The following PPP4R3B variants were observed in gnomAD, a reference collection of about 807,000 sequenced individuals.
PPP4R3B encodes the protein protein phosphatase 4 regulatory subunit 3B.
Under a neutral mutation model 95.4 loss-of-function variants are expected in PPP4R3B, and 52 were observed. The observed-to-expected ratio is 0.54, with a 90% confidence interval of 0.44 to 0.69. The LOEUF is 0.69. Ranked by LOEUF, PPP4R3B falls within the 30% of genes least tolerant of loss-of-function variation. The pLI is 0.00. For synonymous variants in PPP4R3B, 407 were observed against 343.9 expected (o/e 1.18, Z -2.03); for missense variants, 1,003 against 1,005.9 (o/e 1.00, Z 0.04).
intron 12 of PPP4R3B, among the ~76,000 whole-genome samples, chr2:55,572,073 G>C (rs948798351): frequency 6.6e-6 from 1 of 152,142 alleles, no homozygotes; most frequent in African/African-American, 2.4e-5. Context: ...GATACTGTTG[G>C]CTATGTATCT....
At chr2:55,604,770 AG>A (rs1442991355) in intron 2 of PPP4R3B, among the ~76,000 whole-genome samples, 1 of 151,540 alleles carries the variant, frequency 6.6e-6, no homozygotes, top group Non-Finnish European at 1.5e-5. Flanking sequence ...TTAGAAACCA[AG>A]GTTTGGATTT....
rs1423393212 is a variant in PPP4R3B at position 55,599,006 on chromosome 2, G to C, written c.331C>G (p.Gln111Glu). ...TCTTCAGATTCATCAATGAGGTCCTGTGTGACTTCCACTGATGGGTCTTTA... is the reference window on the plus strand; with the variant it reads ...TCTTCAGATTCATCAATGAGGTCCTCTGTGACTTCCACTGATGGGTCTTTA... ...QGKDPSVEVT[Q>E]DLIDESEEER... is the part of the protein sequence containing the mutation. The change falls in exon 4 of 17, where the codon CAG becomes GAG. Residue 111 changes from glutamine (Q) to glutamate (E), a missense_variant. This residue lies in a region of PPP4R3B where 695 missense variants were observed against 686.2 expected (regional missense o/e 1.01). Transcript: ENST00000616407. 6.2e-7 allele frequency: 1 copy of C among 1,613,664 alleles called. No homozygotes were observed. Among genetic ancestry groups the C allele is most frequent in the Non-Finnish European group, 8.5e-7 (1 of 1,179,798 alleles).
chr2:55,557,348 AC>A (rs1298687669), intron 16 of PPP4R3B, among the ~76,000 whole-genome samples: 1 of 151,892 alleles, frequency 6.6e-6, no homozygotes, highest in Non-Finnish European at 1.5e-5. Context: ...GTGCCACCAC[AC>A]CCAGCTAATT....
intron 16 of PPP4R3B, 40 bp from the exon 17 acceptor site, chr2:55,550,046 A>G: frequency 2.2e-6 from 3 of 1,334,044 alleles, no homozygotes; most frequent in Non-Finnish European, 3.2e-6. Flanking sequence ...AAACATATAT[A>G]ACAAAAAAGA....
chr2:55,589,057 A>AT (rs1407956123), intron 4 of PPP4R3B, 101 bp from the exon 5 acceptor site: 3 of 717,666 alleles, frequency 4.2e-6, no homozygotes, highest in Non-Finnish European at 6.7e-6. Context: ...GACAAGTAGT[A>AT]TTTTCATCAT....
chr2:55,563,926 G>A lies in PPP4R3B; in HGVS notation c.2260+387C>T, dbSNP rs1290777283. Reference sequence around the variant, plus strand: ...TTTCAAAGAGCAAAGTTACTTGTTTGAGCTCAGTTTATCAGCTGTAAAAGA... The same window carrying A: ...TTTCAAAGAGCAAAGTTACTTGTTTAAGCTCAGTTTATCAGCTGTAAAAGA... On this transcript the variant is annotated intron_variant, in intron 15 of 16. Coordinates refer to ENST00000616407, the MANE Select transcript of PPP4R3B (RefSeq NM_001122964.3). 2.6e-4 allele frequency among the ~76,000 whole-genome samples: 39 copies of A among 152,084 alleles called. 1 individual carries two copies. The highest frequency in any genetic ancestry group is 2.6e-3 in the Admixed American group (39 of 15,270).
intron 4 of PPP4R3B, among the ~76,000 whole-genome samples, chr2:55,598,055 T>TA (rs1692044600): frequency 6.6e-6 from 1 of 151,818 alleles, no homozygotes. Context: ...CCTTCCCTAC[T>TA]AAAAATACAA....
rs761990028 is a variant in PPP4R3B at position 55,549,943 on chromosome 2, ACGATTC to A, written c.2512_2517del (p.Glu838_Ser839del). 1.5e-5 allele frequency: 24 copies of A among 1,611,748 alleles called. No homozygotes were observed. In the South Asian group the frequency reaches 2.7e-4, roughly 18 times the overall value. ...CCAAGACGAGGTCTTTTCCTGGGGGACGATTCTTCTTCTTCATCTTCCTCTTCATCA... is the reference window on the plus strand; with the variant it reads ...CCAAGACGAGGTCTTTTCCTGGGGGATTCTTCTTCATCTTCCTCTTCATCA... On this transcript the variant is annotated inframe_deletion, in exon 17 of 17. Coordinates refer to ENST00000616407, the MANE Select transcript of PPP4R3B (RefSeq NM_001122964.3).
At chr2:55,607,934 T>C (rs76778590) in intron 2 of PPP4R3B, among the ~76,000 whole-genome samples, 5,572 of 152,312 alleles carry the variant, frequency 0.037, 144 homozygotes, top group South Asian at 0.091. Flanking sequence ...AGGTAAACAT[T>C]GAAAGAGAAG....
At chr2:55,569,082 A>G (rs572836760) in intron 12 of PPP4R3B, among the ~76,000 whole-genome samples, 2 of 152,296 alleles carry the variant, frequency 1.3e-5, no homozygotes, top group African/African-American at 4.8e-5. Context: ...TTCCAATATT[A>G]TAATAATCCT....
rs150266877 is a variant in PPP4R3B, at chr2:55,610,461, T to G, written c.198+4990A>C. ...CTGCTACAAATAGGCTTAATACCTTTTGTAGCAAGTGTATTTCCTTTCCTA... is the reference window on the plus strand; with the variant it reads ...CTGCTACAAATAGGCTTAATACCTTGTGTAGCAAGTGTATTTCCTTTCCTA... On this transcript the variant is annotated intron_variant, in intron 2 of 16. Transcript: ENST00000616407. Among the ~76,000 whole-genome samples the G allele has an allele frequency of 5.1e-4, 77 of 152,330 alleles. 1 individual carries two copies. Among genetic ancestry groups the G allele is most frequent in the African/African-American group, 1.7e-3 (69 of 41,572 alleles).
At chr2:55,602,626 T>C (rs1487108292) in intron 3 of PPP4R3B, among the ~76,000 whole-genome samples, 2 of 152,172 alleles carry the variant, frequency 1.3e-5, no homozygotes, top group Admixed American at 1.3e-4. Flanking sequence ...AAGGTTTGGG[T>C]AAACTTAACT....
At chr2:55,599,218 T>A (rs374224744) in intron 3 of PPP4R3B, among the ~76,000 whole-genome samples, 179 bp from the exon 4 acceptor site, 37 of 152,130 alleles carry the variant, frequency 2.4e-4, no homozygotes, top group African/African-American at 8.4e-4. Context: ...CAGGCAGGTC[T>A]CTTGAGGTCA....
At chr2:55,564,755 G>T (rs1023552357) in intron 14 of PPP4R3B, 147 bp downstream of exon 14, 2 of 863,400 alleles carry the variant, frequency 2.3e-6, no homozygotes, top group African/African-American at 1.7e-5. Context: ...ATATGGGGTA[G>T]GGGGGACGCC....
rs900501478 is a variant in PPP4R3B at position 55,596,912 on chromosome 2, C to T, written c.921+1504G>A. Reference sequence around the variant, plus strand: ...CCAGAAGGTGGAGGTTGCAATGAGCCGAAATCACACCATTGCACTCCAGCT... The same window carrying T: ...CCAGAAGGTGGAGGTTGCAATGAGCTGAAATCACACCATTGCACTCCAGCT... On this transcript the variant is annotated intron_variant, in intron 4 of 16. Transcript: ENST00000616407. Among the ~76,000 whole-genome samples the T allele has an allele frequency of 7.9e-5, 12 of 151,964 alleles. No homozygotes were observed. In the South Asian group the frequency reaches 1.0e-3, roughly 13 times the overall value.
intron 1 of PPP4R3B, chr2:55,616,703 T>G (rs1285571066): frequency 6.6e-6 from 1 of 152,476 alleles, no homozygotes; most frequent in East Asian, 1.9e-4. Flanking sequence ...CTGTCGACTG[T>G]GGCACCTGGG....
rs752292325 is a variant in PPP4R3B at position 55,549,944 on chromosome 2, C to A, written c.2517G>T (p.Ser839=). The change falls in exon 17 of 17, where the codon TCG becomes TCT. Residue 839 remains serine (S), a synonymous_variant. Coordinates refer to ENST00000616407, the MANE Select transcript of PPP4R3B (RefSeq NM_001122964.3). ...DDEEEDEEEE[S]SPRKRPRLGS is the part of the protein sequence containing the mutation. ...CAAGACGAGGTCTTTTCCTGGGGGA[C>A]GATTCTTCTTCTTCATCTTCCTCTT... 1 of 1,611,726 alleles carries A rather than the reference C, an allele frequency of 6.2e-7. No homozygotes were observed. Among genetic ancestry groups the A allele is most frequent in the Non-Finnish European group, 8.5e-7 (1 of 1,179,742 alleles).
At chr2:55,601,584 G>T (rs1034816929) in intron 3 of PPP4R3B, among the ~76,000 whole-genome samples, 14 of 152,174 alleles carry the variant, frequency 9.2e-5, no homozygotes, top group Non-Finnish European at 2.1e-4. Context: ...GTTTCACTGT[G>T]TTAGCCAGGA....
chr2:55,553,460 T>C lies in PPP4R3B; in HGVS notation c.2455-3454A>G, dbSNP rs7605962. ...AAAGTCAAGTTTTTAAAGTGTATAATTTTCACACACCATAAACTCACCATT... is the reference window on the plus strand; with the variant it reads ...AAAGTCAAGTTTTTAAAGTGTATAACTTTCACACACCATAAACTCACCATT... On this transcript the variant is annotated intron_variant, in intron 16 of 16. Coordinates refer to ENST00000616407, the MANE Select transcript of PPP4R3B (RefSeq NM_001122964.3). Among the ~76,000 whole-genome samples, 480 of 152,286 alleles carry C rather than the reference T, an allele frequency of 3.2e-3. 1 individual carries two copies. Among genetic ancestry groups the C allele is most frequent in the African/African-American group, 0.011 (455 of 41,544 alleles).
Sources: allele counts gnomAD v4.1 joint callset (sites outside exome capture counted in the v4.1 genomes callset), GRCh38; gene constraint gnomAD v4.1.1; regional missense constraint gnomAD v4.1.1; transcripts MANE v1.5; gene names NCBI Gene and HGNC (gene_info 2026-07-23, HGNC 2026-07-21).